Variants in DSCAM observed in about 807,000 individuals in gnomAD.
The protein encoded by DSCAM is cell adhesion molecule DSCAM.
Under a neutral mutation model 217.7 loss-of-function variants are expected in DSCAM, and 47 were observed. The observed-to-expected ratio is 0.22, with a 90% CI of 0.17 to 0.28. The LOEUF is 0.28. DSCAM is among the 10% of genes least tolerant of loss of function. The pLI is 1.00. For missense variants in DSCAM, 2,080 were observed against 2,618.3 expected (o/e 0.79, Z 4.49); for synonymous variants, 1,056 against 1,015.3 (o/e 1.04, Z -0.76).
chr21:40,456,590 G>A (rs1440525449), intron 3 of DSCAM, among the ~76,000 whole-genome samples: 3 of 152,070 alleles, frequency 2.0e-5, no homozygotes, highest in African/African-American at 4.8e-5. Flanking sequence ...CTAACGATAT[G>A]TATGCTAACG....
At chr21:40,827,166 T>A (rs77467632) in intron 1 of DSCAM, among the ~76,000 whole-genome samples, 4,501 of 151,748 alleles carry the variant, frequency 0.03, 216 homozygotes, top group African/African-American at 0.1. Context: ...ACGGTCCAGG[T>A]GAAGGTGTTT....
Position 40,660,424 on chromosome 21 carries a change from T to C in DSCAM, c.508+32386A>G, listed in dbSNP as rs558302367. Among the ~76,000 whole-genome samples, 26 of 152,228 alleles carry C rather than the reference T, an allele frequency of 1.7e-4. No homozygotes were observed. The South Asian group carries it at 5.4e-3, about 32-fold the overall frequency. On this transcript the variant is annotated intron_variant, in intron 3 of 32. Transcript: ENST00000400454. ...GAAATTTATATTGTAACAACAACAA[T>C]AACACCCATCTACAATCCCTTATCT... is the stretch of plus-strand genomic sequence containing the variant.
chr21:40,747,414 C>T (rs1198142225), intron 1 of DSCAM, among the ~76,000 whole-genome samples: 1 of 151,440 alleles, frequency 6.6e-6, no homozygotes, highest in Non-Finnish European at 1.5e-5. Flanking sequence ...ACCATAAGAG[C>T]CTATTGTAAA....
At chr21:40,072,403 G>A (rs1235591) in intron 27 of DSCAM, among the ~76,000 whole-genome samples, 145,346 of 149,836 alleles carry the variant, frequency 0.97, 70,519 homozygotes, top group East Asian at 1. Context: ...CTGGAGTGCA[G>A]TGGCGGGATC....
In DSCAM at chr21:40,204,230, C is replaced by T. The variant is rs530536767; in HGVS notation, c.2357-14992G>A. On this transcript the variant is annotated intron_variant, in intron 11 of 32. Coordinates refer to ENST00000400454, the MANE Select transcript of DSCAM (RefSeq NM_001389.5). ...GCACACACATGTACCCATGAATGTG[C>T]CTGTGTGAGCACGTGTGCAATTCTA... is the stretch of plus-strand genomic sequence containing the variant. 1.2e-4 allele frequency among the ~76,000 whole-genome samples: 19 copies of T among 152,262 alleles called. No individual in the cohort carries two copies. In the South Asian group the frequency reaches 3.9e-3, roughly 32 times the overall value.
intron 1 of DSCAM, among the ~76,000 whole-genome samples, chr21:40,792,114 T>G (rs1320407601): frequency 6.8e-6 from 1 of 147,910 alleles, no homozygotes; most frequent in Non-Finnish European, 1.5e-5. Context: ...TGTGTCCCGG[T>G]GTCCTAATCT....
At chr21:40,117,001 CAAAAAAAAAA>C (rs534100380) in intron 20 of DSCAM, among the ~76,000 whole-genome samples, 1 of 33,178 alleles carries the variant, frequency 3.0e-5, no homozygotes, top group Admixed American at 5.0e-4. Context: ...GACTCTGTCT[CAAAAAAAAAA>C]AAAAAAAAAA....
intron 14 of DSCAM, among the ~76,000 whole-genome samples, chr21:40,180,299 T>C (rs555393927): frequency 6.6e-6 from 1 of 152,272 alleles, no homozygotes; most frequent in South Asian, 2.1e-4. Context: ...CAAGAGATTT[T>C]CTGGAATTGA....
At chr21:40,665,841 T>C (rs2090193410) in intron 3 of DSCAM, among the ~76,000 whole-genome samples, 1 of 152,162 alleles carries the variant, frequency 6.6e-6, no homozygotes, top group African/African-American at 2.4e-5. Context: ...AAGACAGAAA[T>C]TGTCCGCTGC....
At chr21:40,815,803 A>C (rs2091876347) in intron 1 of DSCAM, among the ~76,000 whole-genome samples, 1 of 152,186 alleles carries the variant, frequency 6.6e-6, no homozygotes, top group Non-Finnish European at 1.5e-5. Context: ...GACCTTCAGC[A>C]ATGTTCTCAA....
chr21:40,092,839 A>G (rs940162151), intron 21 of DSCAM, among the ~76,000 whole-genome samples: 3 of 152,008 alleles, frequency 2.0e-5, no homozygotes, highest in Non-Finnish European at 2.9e-5. Flanking sequence ...CTTATTTTCT[A>G]TCTGTATTTG....
At chr21:40,680,441 G>T (rs1475995292) in intron 3 of DSCAM, among the ~76,000 whole-genome samples, 1 of 152,146 alleles carries the variant, frequency 6.6e-6, no homozygotes, top group East Asian at 1.9e-4. Context: ...GTGCAGTAGG[G>T]ACCCAAAGCC....
chr21:40,262,512 T>C (rs2073466714), intron 11 of DSCAM, among the ~76,000 whole-genome samples: 1 of 152,110 alleles, frequency 6.6e-6, no homozygotes. Context: ...ATCAAGACAA[T>C]ACCCAATCAT....
intron 11 of DSCAM, among the ~76,000 whole-genome samples, chr21:40,207,032 T>C (rs1404548166): frequency 1.3e-5 from 2 of 152,228 alleles, no homozygotes; most frequent in East Asian, 3.8e-4. Context: ...TTAGCAGATT[T>C]GACAATGCAT....
intron 11 of DSCAM, among the ~76,000 whole-genome samples, chr21:40,219,074 C>A (rs2146899382): frequency 6.6e-6 from 1 of 152,312 alleles, no homozygotes; most frequent in Middle Eastern, 3.4e-3. Flanking sequence ...GTGAATGCTT[C>A]CAGCTTTTGC....
intron 3 of DSCAM, among the ~76,000 whole-genome samples, chr21:40,669,834 G>A (rs138243100): frequency 1.3e-5 from 2 of 152,048 alleles, no homozygotes; most frequent in East Asian, 1.9e-4. Flanking sequence ...GCCTCCCAAA[G>A]TGCTGAGATT....
chr21:40,819,719 A>G (rs1289496018), intron 1 of DSCAM, among the ~76,000 whole-genome samples: 1 of 152,210 alleles, frequency 6.6e-6, no homozygotes, highest in African/African-American at 2.4e-5. Context: ...TATGTTTGCC[A>G]TGATGGAAAC....
chr21:40,308,201 C>G (rs1164643132), intron 9 of DSCAM, among the ~76,000 whole-genome samples: 1 of 152,116 alleles, frequency 6.6e-6, no homozygotes, highest in African/African-American at 2.4e-5. Context: ...TGTTGGGGGT[C>G]TGGATTTTGT....
At chr21:40,683,767 C>A (rs1401312020) in intron 3 of DSCAM, among the ~76,000 whole-genome samples, 1 of 152,116 alleles carries the variant, frequency 6.6e-6, no homozygotes, top group Non-Finnish European at 1.5e-5. Context: ...CTGTTCTCAG[C>A]CCCTGCAGAG....
Sources: allele counts gnomAD v4.1 joint callset (sites outside exome capture counted in the v4.1 genomes callset), GRCh38; gene constraint gnomAD v4.1.1; transcripts MANE v1.5; gene names NCBI Gene and HGNC (gene_info 2026-07-23, HGNC 2026-07-21).